Variants in CTNNA2 observed in about 807,000 individuals in gnomAD.
The protein encoded by CTNNA2 is catenin alpha 2.
A neutral mutation model predicts 101.0 loss-of-function variants in CTNNA2; 42 were observed. The ratio of observed to expected loss-of-function variants is 0.42; its 90% confidence interval spans 0.32 to 0.54. The LOEUF (loss-of-function observed/expected upper bound fraction) is 0.54. Among genes scored for constraint, CTNNA2 ranks in the 20% least tolerant of loss-of-function variants. The pLI is 0.14. For synonymous variants in CTNNA2, 450 were observed against 456.4 expected, an observed-to-expected ratio of 0.99 and a Z score of 0.18; for missense variants, 871 against 1,223.1, an observed-to-expected ratio of 0.71 and a Z score of 4.29.
chr2:80,614,419 G>A (rs1698687374), intron 17 of CTNNA2, among the ~76,000 whole-genome samples: 1 of 151,408 alleles, frequency 6.6e-6, no homozygotes, highest in African/African-American at 2.4e-5. Context: ...TATACAGGAG[G>A]ATGTGTGTAG....
intron 6 of CTNNA2, among the ~76,000 whole-genome samples, chr2:79,888,532 C>T (rs922171021): frequency 5.9e-5 from 9 of 152,184 alleles, no homozygotes; most frequent in Admixed American, 1.3e-4. Flanking sequence ...TTTTCTCTTG[C>T]GCATTTCAAT....
intron 7 of CTNNA2, among the ~76,000 whole-genome samples, chr2:80,097,383 T>C (rs1185435388): frequency 6.6e-6 from 1 of 152,238 alleles, no homozygotes; most frequent in African/African-American, 2.4e-5. Flanking sequence ...CAGCTGTTAG[T>C]CTGATGGGCT....
chr2:80,171,936 C>T (rs1009665347), intron 7 of CTNNA2, among the ~76,000 whole-genome samples: 4 of 152,134 alleles, frequency 2.6e-5, no homozygotes, highest in African/African-American at 9.7e-5. Flanking sequence ...TTCATCTTTA[C>T]TAAAATGCTT....
At chr2:79,736,809 A>C (rs921157456) in intron 2 of CTNNA2, among the ~76,000 whole-genome samples, 59 of 152,308 alleles carry the variant, frequency 3.9e-4, no homozygotes, top group African/African-American at 1.4e-3. Flanking sequence ...AAAGTGCACA[A>C]GTCTTTAGGC....
intron 4 of CTNNA2, among the ~76,000 whole-genome samples, chr2:79,443,744 G>T (rs143455965): frequency 1.3e-5 from 2 of 151,974 alleles, no homozygotes; most frequent in East Asian, 3.9e-4. Context: ...ACATGCTGTG[G>T]TAGGCAGTTT....
chr2:79,768,321 T>C (rs967677764), intron 3 of CTNNA2, among the ~76,000 whole-genome samples: 12 of 150,396 alleles, frequency 8.0e-5, no homozygotes, highest in African/African-American at 2.4e-4. Context: ...TAGTACCTGG[T>C]TTTAACACTG....
rs185675718 is a variant in CTNNA2 at position 79,960,141 on chromosome 2, G to A, written c.1056+50344G>A. 5.0e-4 allele frequency among the ~76,000 whole-genome samples: 76 copies of A among 152,220 alleles called. 1 individual carries two copies. Among genetic ancestry groups the A allele is most frequent in the African/African-American group, 1.7e-3 (70 of 41,532 alleles). ...TCATAGCTACTTTTAAAATCCACTA[G>A]AGAAAATCTGCTCAGGTCATATTTC... On this transcript the variant is annotated intron_variant, in intron 7 of 18. Transcript: ENST00000402739.
At chr2:79,563,336 A>G (rs1489503076) in intron 1 of CTNNA2, among the ~76,000 whole-genome samples, 1 of 152,066 alleles carries the variant, frequency 6.6e-6, no homozygotes, top group African/African-American at 2.4e-5. Flanking sequence ...AGCTCTAGGT[A>G]ATAACATAAC....
At chr2:79,701,240 T>G (rs887270059) in intron 2 of CTNNA2, among the ~76,000 whole-genome samples, 1 of 152,122 alleles carries the variant, frequency 6.6e-6, no homozygotes, top group Non-Finnish European at 1.5e-5. Context: ...ATAGAACACT[T>G]ATACTACCTG....
At chr2:80,434,083 A>T (rs1574030837) in intron 9 of CTNNA2, among the ~76,000 whole-genome samples, 1 of 152,348 alleles carries the variant, frequency 6.6e-6, no homozygotes, top group Non-Finnish European at 1.5e-5. Flanking sequence ...TACTAATGAC[A>T]TGTGTGCAAG....
At chr2:79,916,005 G>A (rs540299346) in intron 7 of CTNNA2, among the ~76,000 whole-genome samples, 2 of 152,284 alleles carry the variant, frequency 1.3e-5, no homozygotes, top group African/African-American at 2.4e-5. Context: ...AGACTGAGTA[G>A]CTCTTATTAC....
chr2:80,445,420 G>A lies in CTNNA2; in HGVS notation c.1290+25819G>A, dbSNP rs557951734. 2.0e-5 allele frequency among the ~76,000 whole-genome samples: 3 copies of A among 152,192 alleles called. No individual in the cohort carries two copies. The South Asian group carries it at 6.2e-4, about 32-fold the overall frequency. On this transcript the variant is annotated intron_variant, in intron 9 of 18. Transcript: ENST00000402739. ...TGGTCTCTAACTCCTGAGCTCAAGT[G>A]ATCCACCACCTTATTCCCTCAAAAT...
At chr2:79,361,198 C>T (rs62156648) in intron 3 of CTNNA2, among the ~76,000 whole-genome samples, 2,313 of 152,228 alleles carry the variant, frequency 0.015, 18 homozygotes, top group Non-Finnish European at 0.024. Context: ...AAATGCTACC[C>T]TTTAATTTTA....
At chr2:80,416,759 A>C (rs1226969615) in intron 8 of CTNNA2, among the ~76,000 whole-genome samples, 1 of 151,838 alleles carries the variant, frequency 6.6e-6, no homozygotes, top group African/African-American at 2.4e-5. Flanking sequence ...AAAATATTTT[A>C]TTTCTTAAAA....
chr2:79,221,255 G>T (rs189744823), intron 2 of CTNNA2, among the ~76,000 whole-genome samples: 3 of 152,096 alleles, frequency 2.0e-5, no homozygotes. Flanking sequence ...GGGCTCTGGC[G>T]ATCTTCCTGC....
At chr2:79,876,140 C>T (rs1683008193) in intron 6 of CTNNA2, among the ~76,000 whole-genome samples, 1 of 152,010 alleles carries the variant, frequency 6.6e-6, no homozygotes, top group African/African-American at 2.4e-5. Flanking sequence ...TATCAGTTTT[C>T]ATAATGTTGA....
chr2:79,782,784 C>G lies in CTNNA2; in HGVS notation c.298+38202C>G, dbSNP rs138208492. Among the ~76,000 whole-genome samples the G allele has an allele frequency of 4.6e-5, 7 of 152,184 alleles. No homozygotes were observed. In the East Asian group the frequency reaches 1.2e-3, roughly 25 times the overall value. On this transcript the variant is annotated intron_variant, in intron 3 of 18. Coordinates refer to ENST00000402739, the MANE Select transcript of CTNNA2 (RefSeq NM_001282597.3). ...TATTGAGCAGCACAAGCCCTACTAC[C>G]GGTCAGTTTGGGGCCTCGCAAGGGG...
Position 79,579,632 on chromosome 2 carries a change from C to T in CTNNA2, c.-6+66425C>T, listed in dbSNP as rs971075042. Among the ~76,000 whole-genome samples, 6 of 151,938 alleles carry T rather than the reference C, an allele frequency of 3.9e-5. No individual in the cohort carries two copies. In the South Asian group the frequency reaches 6.2e-4, roughly 16 times the overall value. ...AAGGACATTTTTTATTTTATTTTTT[C>T]GAGATGGAGTTCACTCTTGTTGCCC... On this transcript the variant is annotated intron_variant, in intron 1 of 18. Coordinates refer to ENST00000402739, the MANE Select transcript of CTNNA2 (RefSeq NM_001282597.3).
At chr2:79,975,029 G>C (rs567830838) in intron 7 of CTNNA2, among the ~76,000 whole-genome samples, 1 of 152,294 alleles carries the variant, frequency 6.6e-6, no homozygotes, top group Admixed American at 6.5e-5. Context: ...AGGCTGGTGA[G>C]CTTGGAACAC....
Sources: allele counts gnomAD v4.1 joint callset (sites outside exome capture counted in the v4.1 genomes callset), GRCh38; gene constraint gnomAD v4.1.1; transcripts MANE v1.5; gene names NCBI Gene and HGNC (gene_info 2026-07-23, HGNC 2026-07-21).